Variants in LRP1B observed in about 807,000 individuals in gnomAD.
The protein encoded by LRP1B is low-density lipoprotein receptor-related protein 1B.
A neutral mutation model predicts 556.6 loss-of-function variants in LRP1B; 217 were observed. That is an observed-to-expected ratio of 0.39 (90% CI 0.35 to 0.44). The LOEUF (loss-of-function observed/expected upper bound fraction) is 0.44, where lower values mean the gene tolerates loss of function less well. LRP1B is among the 20% of genes least tolerant of loss of function. The probability of loss-of-function intolerance (pLI) is 1.00; values close to 1 mark genes in which losing one functional copy is unlikely to be tolerated. For synonymous variants in LRP1B, 2,047 were observed against 1,865.8 expected (o/e 1.10, Z -2.50); for missense variants, 5,053 against 5,620.8 (o/e 0.90, Z 3.23).
At chr2:141,527,220 T>C (rs1020427440) in intron 2 of LRP1B, among the ~76,000 whole-genome samples, 1 of 152,100 alleles carries the variant, frequency 6.6e-6, no homozygotes, top group Non-Finnish European at 1.5e-5. Flanking sequence ...ATGACACCGA[T>C]GAAGATAGCT....
chr2:140,256,630 G>A (rs1417147090), intron 86 of LRP1B, among the ~76,000 whole-genome samples: 4 of 150,734 alleles, frequency 2.7e-5, no homozygotes, highest in Admixed American at 6.6e-5. Flanking sequence ...CACCAAGCCC[G>A]GCTAATTTTT....
rs186962827 is a variant in LRP1B, at chr2:140,954,821, C to A, written c.2888-2881G>T. 1.3e-4 allele frequency among the ~76,000 whole-genome samples: 20 copies of A among 152,050 alleles called. No homozygotes were observed. The East Asian group carries it at 3.9e-3, about 29-fold the overall frequency. ...ATTAATTTTTTAATGATAGTTACAT[C>A]ATGTCTCTTGTTGTTAACCTTATAG... On this transcript the variant is annotated intron_variant, in intron 18 of 90. Transcript: ENST00000389484.
chr2:140,409,869 A>T (rs2890519), intron 66 of LRP1B, among the ~76,000 whole-genome samples: 3,105 of 152,138 alleles, frequency 0.02, 37 homozygotes, highest in African/African-American at 0.028. Flanking sequence ...TATCCCAAAC[A>T]AAGCTTTGCA....
intron 6 of LRP1B, among the ~76,000 whole-genome samples, chr2:141,224,738 G>A (rs1335957371): frequency 6.6e-6 from 1 of 151,438 alleles, no homozygotes; most frequent in African/African-American, 2.4e-5. Flanking sequence ...AGAGAACCAT[G>A]TTCTCACGTT....
chr2:141,623,872 G>A (rs1290652867), intron 2 of LRP1B, among the ~76,000 whole-genome samples: 3 of 151,178 alleles, frequency 2.0e-5, no homozygotes, highest in Admixed American at 6.6e-5. Context: ...AAAATTAGCC[G>A]GGCACGGTGG....
In LRP1B at chr2:141,188,471, A is replaced by G. The variant is rs1399324595; in HGVS notation, c.963T>C (p.Ile321=). Residue 321 remains isoleucine, a synonymous_variant, in exon 7 of 91, where the codon ATT becomes ATC. Transcript: ENST00000389484. ...CTTTAGGATTGTGAAGCTCCAGATC[A>G]ATCAGGGTGACACATACAGAACCGT... ...NSNGSVCVTL[I]DLELHNPKAI... is the part of the protein sequence containing the mutation. 4.3e-6 allele frequency: 7 copies of G among 1,612,736 alleles called. No individual in the cohort carries two copies. In the East Asian group the frequency reaches 1.3e-4, roughly 31 times the overall value.
chr2:141,898,957 G>A (rs551002784), intron 1 of LRP1B, among the ~76,000 whole-genome samples: 3 of 152,194 alleles, frequency 2.0e-5, no homozygotes, highest in East Asian at 1.9e-4. Context: ...CCCACTGTCC[G>A]ACTGCATTAT....
At chr2:140,994,389 A>G (rs1038797025) in intron 15 of LRP1B, among the ~76,000 whole-genome samples, 12 of 147,178 alleles carry the variant, frequency 8.2e-5, no homozygotes, top group Middle Eastern at 3.5e-3. Context: ...GTAGGTAAGG[A>G]TGTGTGTGTG....
chr2:140,519,870 C>G (rs754881880), intron 49 of LRP1B, among the ~76,000 whole-genome samples: 4 of 152,152 alleles, frequency 2.6e-5, no homozygotes, highest in Non-Finnish European at 5.9e-5. Flanking sequence ...AAATGCTCAT[C>G]ATCCACTGGT....
chr2:141,404,100 A>C (rs1027743337), intron 3 of LRP1B, among the ~76,000 whole-genome samples: 12 of 152,200 alleles, frequency 7.9e-5, no homozygotes, highest in Admixed American at 7.9e-4. Flanking sequence ...AGTCATAAAA[A>C]GTTAAGATAA....
chr2:140,833,852 C>G (rs1202453232), intron 31 of LRP1B, among the ~76,000 whole-genome samples: 1 of 151,930 alleles, frequency 6.6e-6, no homozygotes, highest in African/African-American at 2.4e-5. Context: ...TAAAAAAATC[C>G]CTGAAACAAA....
At chr2:140,999,767 T>C (rs963325686) in intron 15 of LRP1B, among the ~76,000 whole-genome samples, 2 of 151,998 alleles carry the variant, frequency 1.3e-5, no homozygotes, top group Non-Finnish European at 1.5e-5. Context: ...GGTTTGGCAA[T>C]TAGGGCAAAG....
chr2:141,061,743 AC>A (rs1699341874), intron 8 of LRP1B, among the ~76,000 whole-genome samples: 1 of 151,850 alleles, frequency 6.6e-6, no homozygotes, highest in Non-Finnish European at 1.5e-5. Context: ...ATAGGCCATA[AC>A]ATCTGACCTA....
Position 141,240,007 on chromosome 2 carries a change from A to G in LRP1B, c.592+7219T>C, listed in dbSNP as rs145270096. On this transcript the variant is annotated intron_variant, in intron 5 of 90. Coordinates refer to ENST00000389484, the MANE Select transcript of LRP1B (RefSeq NM_018557.3). Reference sequence around the variant, plus strand: ...TATCAGCTATGTTCTTTGTAACTTGATGTTCTAAATATCCAAAGAGTACTA... The same window carrying G: ...TATCAGCTATGTTCTTTGTAACTTGGTGTTCTAAATATCCAAAGAGTACTA... Among the ~76,000 whole-genome samples the G allele has an allele frequency of 9.6e-3, 1,465 of 152,160 alleles. 29 individuals are homozygous for G. Among genetic ancestry groups the G allele is most frequent in the African/African-American group, 0.032 (1,324 of 41,532 alleles).
intron 25 of LRP1B, among the ~76,000 whole-genome samples, chr2:140,868,742 T>A (rs1288283798): frequency 6.6e-6 from 1 of 152,088 alleles, no homozygotes; most frequent in Non-Finnish European, 1.5e-5. Flanking sequence ...GACAAATAGG[T>A]GATCTTATGG....
chr2:140,714,340 G>C (rs1559071825), intron 37 of LRP1B, among the ~76,000 whole-genome samples: 1 of 152,072 alleles, frequency 6.6e-6, no homozygotes, highest in Non-Finnish European at 1.5e-5. Context: ...AGATTCTTTT[G>C]CCTAATATTC....
chr2:140,804,649 ATTTT>A (rs869167644), intron 32 of LRP1B, among the ~76,000 whole-genome samples: 28 of 57,940 alleles, frequency 4.8e-4, no homozygotes, highest in African/African-American at 1.5e-3. Flanking sequence ...GTAAAAACTA[ATTTT>A]TTTTTTTTTT....
Position 141,517,029 on chromosome 2 carries a change from A to AAAAAAAAAAAAAAAAAAAAAC in LRP1B, c.206-36497_206-36496insGTTTTTTTTTTTTTTTTTTTT, listed in dbSNP as rs772472942. ...TAAAAAAAAAAAAAAAAAAAAAAAA[A>AAAAAAAAAAAAAAAAAAAAAC]AAAGTAAATCAATGAAATAATTTAA... On this transcript the variant is annotated intron_variant, in intron 2 of 90. Transcript: ENST00000389484. Among the ~76,000 whole-genome samples the AAAAAAAAAAAAAAAAAAAAAC allele has an allele frequency of 8.9e-5, 8 of 90,174 alleles. 2 individuals are homozygous for AAAAAAAAAAAAAAAAAAAAAC. The highest frequency in any genetic ancestry group is 1.5e-4 in the Non-Finnish European group (7 of 46,904). The allele number at this position is 90,174 out of a possible 152,430, so 59.2% of individuals were successfully genotyped here.
At chr2:141,273,057 C>T (rs1685149407) in intron 3 of LRP1B, among the ~76,000 whole-genome samples, 1 of 152,092 alleles carries the variant, frequency 6.6e-6, no homozygotes, top group African/African-American at 2.4e-5. Flanking sequence ...GCCTGTAATC[C>T]CAGCACTTTT....
Sources: allele counts gnomAD v4.1 joint callset (sites outside exome capture counted in the v4.1 genomes callset), GRCh38; gene constraint gnomAD v4.1.1; transcripts MANE v1.5; gene names NCBI Gene and HGNC (gene_info 2026-07-23, HGNC 2026-07-21).